Variants in CAMSAP2 observed in about 807,000 individuals in gnomAD.
The protein encoded by CAMSAP2 is calmodulin-regulated spectrin-associated protein 2.
Under a neutral mutation model 146.1 loss-of-function variants are expected in CAMSAP2, and 26 were observed. The observed-to-expected ratio is 0.18, with a 90% CI of 0.13 to 0.25. The LOEUF is 0.25. CAMSAP2 is among the 10% of genes least tolerant of loss of function. The probability of loss-of-function intolerance (pLI) is 1.00; values close to 1 mark genes in which losing one functional copy is unlikely to be tolerated. For synonymous variants in CAMSAP2, 499 were observed against 596.6 expected (o/e 0.84, Z 2.38); for missense variants, 1,381 against 1,759.3 (o/e 0.78, Z 3.85).
intron 1 of CAMSAP2, among the ~76,000 whole-genome samples, chr1:200,740,653 T>A (rs1472156562): frequency 6.6e-6 from 1 of 152,192 alleles, no homozygotes; most frequent in Admixed American, 6.5e-5. Flanking sequence ...AAACAAAAAC[T>A]CCCTACTTTG....
At chr1:200,828,750 G>A (rs1181389791) in intron 4 of CAMSAP2, 17 of 741,258 alleles carry the variant, frequency 2.3e-5, no homozygotes, top group Middle Eastern at 2.4e-4. Flanking sequence ...AAAATGGAAA[G>A]ATAAAAGATA....
Position 200,776,062 on chromosome 1 carries a change from A to G in CAMSAP2, c.399+14964A>G, listed in dbSNP as rs568682421. Among the ~76,000 whole-genome samples, 6 of 152,170 alleles carry G rather than the reference A, an allele frequency of 3.9e-5. No individual in the cohort carries two copies. The East Asian group carries it at 9.6e-4, about 24-fold the overall frequency. ...GAGTCAACATGAGTAATAATCAGAT[A>G]AGAACTTTCAGAAGCTTCTTTTTTA... On this transcript the variant is annotated intron_variant, in intron 2 of 16. Transcript: ENST00000358823.
chr1:200,841,929 C>T (rs1351511588), intron 6 of CAMSAP2, 65 bp from the exon 7 acceptor site: 42 of 1,128,320 alleles, frequency 3.7e-5, no homozygotes, highest in Non-Finnish European at 5.3e-5. Context: ...TATTTTAAAA[C>T]AATAAAATTC....
intron 1 of CAMSAP2, among the ~76,000 whole-genome samples, chr1:200,745,018 A>T (rs954995373): frequency 6.6e-6 from 1 of 152,160 alleles, no homozygotes; most frequent in Non-Finnish European, 1.5e-5. Flanking sequence ...TATATTAAAC[A>T]TGTAATTTGT....
rs1418703293 is a variant in CAMSAP2 at position 200,857,884 on chromosome 1, C to T, written c.4262C>T (p.Ser1421Phe). The change falls in exon 17 of 17, where the codon TCT (serine) becomes TTT (phenylalanine). Residue 1421 changes from serine to phenylalanine, a missense_variant. Around this residue, in one of 4 missense-constraint regions of CAMSAP2, gnomAD observed 90 missense variants for 174.4 expected, o/e 0.52. Coordinates refer to ENST00000358823, the MANE Select transcript of CAMSAP2 (RefSeq NM_203459.4). This position sits in a 1 kb window ranked among gnomAD's most constrained non-coding sequence, Gnocchi z 4.7. ...INKLTGIGPK[S>F]ITKKMIEGLY... ...AAACTGACTGGGATAGGCCCTAAAT[C>T]TATCACTAAAAAAATGATTGAAGGA... is the stretch of plus-strand genomic sequence containing the variant. 1 of 1,613,642 alleles carries T rather than the reference C, an allele frequency of 6.2e-7. No homozygotes were observed. The highest frequency in any genetic ancestry group is 8.5e-7 in the Non-Finnish European group (1 of 1,179,796).
rs575330054 is a variant in CAMSAP2 at position 200,826,515 on chromosome 1, C to T, written c.646-5685C>T. On this transcript the variant is annotated intron_variant, in intron 4 of 16. Transcript: ENST00000358823. ...CCATGATTAACTCCCTGAAGGACCCCAACTCTTTGAGGTCTCCAATAAAGA... is the reference window on the plus strand; with the variant it reads ...CCATGATTAACTCCCTGAAGGACCCTAACTCTTTGAGGTCTCCAATAAAGA... 2.6e-4 allele frequency among the ~76,000 whole-genome samples: 40 copies of T among 152,100 alleles called. No individual in the cohort carries two copies. In the South Asian group the frequency reaches 7.3e-3, roughly 28 times the overall value.
rs1667778845 is a variant in CAMSAP2 at position 200,857,544 on chromosome 1, T to C, written c.4131+120T>C. 1.2e-6 allele frequency: 1 copy of C among 810,104 alleles called. No homozygotes were observed. The highest frequency in any genetic ancestry group is 2.6e-5 in the East Asian group (1 of 38,224). The allele number at this position is 810,104 out of a possible 1,614,324, so 50.2% of individuals were successfully genotyped here. ...GCATGTAAAAAGATCTGTAGCTAGA[T>C]GTTTTAATTATCAGATTTAGTTTAT... On this transcript the variant is annotated intron_variant, in intron 16 of 16. Transcript: ENST00000358823. This position sits in a 1 kb window ranked among gnomAD's most constrained non-coding sequence, Gnocchi z 4.7.
intron 2 of CAMSAP2, among the ~76,000 whole-genome samples, chr1:200,795,264 T>C (rs1342981891): frequency 1.3e-5 from 2 of 152,202 alleles, no homozygotes; most frequent in African/African-American, 4.8e-5. Context: ...AGTGATGTGA[T>C]TGGCAATGTC....
chr1:200,817,591 A>G (rs1466714569), intron 4 of CAMSAP2, among the ~76,000 whole-genome samples: 1 of 152,210 alleles, frequency 6.6e-6, no homozygotes, highest in Non-Finnish European at 1.5e-5. Flanking sequence ...TCATTATTAC[A>G]CAGTACTTCT....
At chr1:200,778,539 C>T (rs531408776) in intron 2 of CAMSAP2, among the ~76,000 whole-genome samples, 2 of 152,198 alleles carry the variant, frequency 1.3e-5, no homozygotes, top group Non-Finnish European at 2.9e-5. Flanking sequence ...CTTTTTGTTT[C>T]AGTTAACCAG....
intron 2 of CAMSAP2, among the ~76,000 whole-genome samples, chr1:200,780,044 A>G (rs1011872078): frequency 6.6e-6 from 1 of 152,292 alleles, no homozygotes; most frequent in African/African-American, 2.4e-5. Context: ...TTTATGCCAT[A>G]CCATTAGTTT....
chr1:200,747,105 C>T (rs1664354463), intron 1 of CAMSAP2, among the ~76,000 whole-genome samples: 1 of 152,012 alleles, frequency 6.6e-6, no homozygotes, highest in Admixed American at 6.6e-5. Flanking sequence ...CACTGTGTTG[C>T]CCAAGCTGGT....
At chr1:200,746,319 G>A (rs2102986561) in intron 1 of CAMSAP2, among the ~76,000 whole-genome samples, 1 of 152,248 alleles carries the variant, frequency 6.6e-6, no homozygotes, top group Middle Eastern at 3.4e-3. Flanking sequence ...ATGGAAAGAA[G>A]TGGATGAATG....
intron 2 of CAMSAP2, among the ~76,000 whole-genome samples, chr1:200,786,172 A>C (rs1002342123): frequency 6.6e-6 from 1 of 151,852 alleles, no homozygotes; most frequent in Non-Finnish European, 1.5e-5. Context: ...CAATTCTGTT[A>C]ATCTTTTCTA....
intron 2 of CAMSAP2, among the ~76,000 whole-genome samples, chr1:200,779,823 A>G (rs1021093650): frequency 1.2e-4 from 18 of 152,176 alleles, no homozygotes; most frequent in African/African-American, 3.9e-4. Flanking sequence ...AATGTGTTTA[A>G]TAACTATAGA....
Position 200,848,820 on chromosome 1 carries a change from T to C in CAMSAP2, c.2051T>C (p.Val684Ala). The stretch of plus-strand genomic sequence containing the variant: ...AGCAGTGCTTCTTCTAGTTCTGGAG[T>C]TAAAATGACCAGCTTTGCTGAACAA... Reference protein sequence around the residue: ...PGSSASSSSGVKMTSFAEQKF... With the variant: ...PGSSASSSSGAKMTSFAEQKF... Residue 684 changes from valine to alanine, a missense_variant, in exon 11 of 17, where the codon GTT becomes GCT. Coordinates refer to ENST00000358823, the MANE Select transcript of CAMSAP2 (RefSeq NM_203459.4). 1 of 1,614,076 alleles carries C rather than the reference T, an allele frequency of 6.2e-7. No homozygotes were observed. Among genetic ancestry groups the C allele is most frequent in the Non-Finnish European group, 8.5e-7 (1 of 1,179,986 alleles).
intron 2 of CAMSAP2, among the ~76,000 whole-genome samples, chr1:200,783,060 C>T (rs183775955): frequency 1.1e-4 from 16 of 151,924 alleles, no homozygotes; most frequent in East Asian, 5.8e-4. Flanking sequence ...CCACTGCACC[C>T]GACCTTATTT....
At chr1:200,812,006 A>G (rs1558188126) in intron 3 of CAMSAP2, among the ~76,000 whole-genome samples, 1 of 152,140 alleles carries the variant, frequency 6.6e-6, no homozygotes, top group Admixed American at 6.5e-5. Flanking sequence ...CAGCTTGGAT[A>G]GCACTTTTTC....
At chr1:200,854,563 C>A (rs1401438835) in intron 13 of CAMSAP2, among the ~76,000 whole-genome samples, 1 of 152,044 alleles carries the variant, frequency 6.6e-6, no homozygotes, top group Non-Finnish European at 1.5e-5. Flanking sequence ...CATATTAACA[C>A]TTTCCTTTTG....
Sources: gnomAD v4.1 joint callset for allele counts (sites outside exome capture counted in the v4.1 genomes callset) on GRCh38, gnomAD v4.1.1 for gene constraint, gnomAD v4.1.1 regional missense constraint, Gnocchi (gnomAD v3.1) non-coding constraint, MANE v1.5 for transcripts, NCBI Gene and HGNC (gene_info 2026-07-23, HGNC 2026-07-21) for gene names.